The following SH3RF3 variants were observed in gnomAD, a reference collection of about 807,000 sequenced individuals.
SH3RF3 encodes E3 ubiquitin-protein ligase SH3RF3.
A neutral mutation model predicts 66.3 loss-of-function variants in SH3RF3; 29 were observed. The ratio of observed to expected loss-of-function variants is 0.44; its 90% confidence interval spans 0.33 to 0.60. SH3RF3 has a LOEUF of 0.60. Among genes scored for constraint, SH3RF3 ranks in the 20% least tolerant of loss-of-function variants. SH3RF3 has a pLI of 0.04. For missense variants in SH3RF3, 1,194 were observed against 1,190.9 expected, an observed-to-expected ratio of 1.00 and a Z score of -0.04; for synonymous variants, 583 against 532.0, an observed-to-expected ratio of 1.10 and a Z score of -1.32.
chr2:109,251,683 C>G (rs1033917722), intron 1 of SH3RF3: 2 of 1,162,684 alleles, frequency 1.7e-6, no homozygotes, highest in East Asian at 2.4e-5. Context: ...CCCATGTCCT[C>G]TCTTCATAGG....
chr2:109,260,567 A>G (rs1209353163), intron 1 of SH3RF3, among the ~76,000 whole-genome samples: 1 of 152,194 alleles, frequency 6.6e-6, no homozygotes, highest in Admixed American at 6.5e-5. Flanking sequence ...GTCATAGGCA[A>G]GAGGGCTCCC....
At chr2:109,420,003 G>A (rs928772975) in intron 5 of SH3RF3, among the ~76,000 whole-genome samples, 6 of 152,192 alleles carry the variant, frequency 3.9e-5, no homozygotes, top group African/African-American at 9.7e-5. Context: ...GCAGAGCAGC[G>A]GGTAGTCTAG....
At chr2:109,327,685 TG>T (rs981387962) in intron 1 of SH3RF3, among the ~76,000 whole-genome samples, 6 of 152,248 alleles carry the variant, frequency 3.9e-5, no homozygotes, top group Non-Finnish European at 5.9e-5. Flanking sequence ...ATAAAGGAAA[TG>T]TACATGTTTG....
rs918693493 is a variant in SH3RF3 at position 109,502,395 on chromosome 2, A to G, written c.*724A>G. On this transcript the variant is annotated 3_prime_UTR_variant, in exon 10 of 10. Coordinates refer to ENST00000309415, the MANE Select transcript of SH3RF3 (RefSeq NM_001099289.3). ...ATAGGTCAGACATTGCCTATTTTTC[A>G]TACATCTGGTGCTGCCTTTTTGTAA... The G allele has an allele frequency of 1.3e-5, 2 of 152,200 alleles. No homozygotes were observed. Among genetic ancestry groups the G allele is most frequent in the East Asian group, 3.9e-4 (2 of 5,190 alleles). The allele number at this position is 152,200 out of a possible 1,614,324, so 9.4% of individuals were successfully genotyped here.
At chr2:109,299,213 C>T (rs963951457) in intron 1 of SH3RF3, among the ~76,000 whole-genome samples, 1 of 152,242 alleles carries the variant, frequency 6.6e-6, no homozygotes, top group African/African-American at 2.4e-5. Flanking sequence ...GACCCTGCCT[C>T]CCCAAGGACT....
intron 1 of SH3RF3, among the ~76,000 whole-genome samples, chr2:109,302,257 T>C (rs866426185): frequency 3.1e-4 from 45 of 143,730 alleles, no homozygotes; most frequent in African/African-American, 1.0e-3. Flanking sequence ...CAGTTTGACA[T>C]ACCTGAATCC....
chr2:109,427,923 A>G (rs1442524884), intron 5 of SH3RF3, among the ~76,000 whole-genome samples: 2 of 152,216 alleles, frequency 1.3e-5, no homozygotes, highest in Admixed American at 6.5e-5. Context: ...GTGCTCGCGC[A>G]CGCTCCTCTG....
chr2:109,320,418 G>T lies in SH3RF3; in HGVS notation c.574-27256G>T, dbSNP rs140174461. ...CAGTGAGTGCAAAACCATCCTTCCT[G>T]CTGGAACCACCGCAGGCGCCCATCC... On this transcript the variant is annotated intron_variant, in intron 1 of 9. Coordinates refer to ENST00000309415, the MANE Select transcript of SH3RF3 (RefSeq NM_001099289.3). Among the ~76,000 whole-genome samples the T allele has an allele frequency of 8.3e-3, 1,270 of 152,224 alleles. 15 individuals are homozygous for T. Among genetic ancestry groups the T allele is most frequent in the East Asian group, 0.044 (227 of 5,172 alleles).
intron 6 of SH3RF3, among the ~76,000 whole-genome samples, chr2:109,433,882 G>T (rs1369409477): frequency 6.6e-6 from 1 of 152,228 alleles, no homozygotes; most frequent in East Asian, 1.9e-4. Context: ...TTCAGGAAAT[G>T]CACCCCCTCA....
intron 3 of SH3RF3, among the ~76,000 whole-genome samples, chr2:109,384,320 A>C (rs560658261): frequency 5.3e-5 from 8 of 152,214 alleles, no homozygotes; most frequent in African/African-American, 1.9e-4. Flanking sequence ...CCGTGGAGAA[A>C]GTAACACCAG....
intron 1 of SH3RF3, among the ~76,000 whole-genome samples, chr2:109,292,650 C>G (rs1681214995): frequency 6.6e-6 from 1 of 152,190 alleles, no homozygotes; most frequent in Non-Finnish European, 1.5e-5. Flanking sequence ...TAGACTCTGC[C>G]TAGAAAAGCG....
At chr2:109,261,415 T>C (rs1680351532) in intron 1 of SH3RF3, among the ~76,000 whole-genome samples, 1 of 152,226 alleles carries the variant, frequency 6.6e-6, no homozygotes, top group Non-Finnish European at 1.5e-5. Context: ...CAGTAAAATG[T>C]GCAGTCTGTG....
chr2:109,490,739 C>T lies in SH3RF3; in HGVS notation c.2283C>T (p.Gly761=). Residue 761 remains glycine (G), a synonymous_variant, in exon 9 of 10, where the codon GGC becomes GGT. Coordinates refer to ENST00000309415, the MANE Select transcript of SH3RF3 (RefSeq NM_001099289.3). ...AVDALLQGAV[G]PEVSSLSIHG... is the part of the protein sequence containing the mutation. ...ACGCCCTGCTCCAAGGTGCAGTGGG[C>T]CCCGAAGTGTCCTCACTGTCCATCC... 6.5e-7 allele frequency: 1 copy of T among 1,536,376 alleles called. No homozygotes were observed. The highest frequency in any genetic ancestry group is 8.7e-7 in the Non-Finnish European group (1 of 1,146,308).
chr2:109,267,775 C>G (rs914344437), intron 1 of SH3RF3, among the ~76,000 whole-genome samples: 2 of 152,240 alleles, frequency 1.3e-5, no homozygotes, highest in African/African-American at 2.4e-5. Flanking sequence ...CTGCGTCTGT[C>G]CCTGGAGCGA....
At chr2:109,206,784 C>G (rs1340145445) in intron 1 of SH3RF3, among the ~76,000 whole-genome samples, 1 of 152,202 alleles carries the variant, frequency 6.6e-6, no homozygotes, top group Non-Finnish European at 1.5e-5. Context: ...CCACTGCACT[C>G]CAGCCTGGGT....
intron 1 of SH3RF3, among the ~76,000 whole-genome samples, chr2:109,248,277 T>C (rs1181173016): frequency 6.6e-6 from 1 of 152,248 alleles, no homozygotes; most frequent in East Asian, 1.9e-4. Context: ...TTTTCTTTTC[T>C]GATGTGCTCA....
At chr2:109,489,847 C>T (rs1679084230) in intron 8 of SH3RF3, among the ~76,000 whole-genome samples, 1 of 152,192 alleles carries the variant, frequency 6.6e-6, no homozygotes, top group Non-Finnish European at 1.5e-5. Flanking sequence ...AAGCTATTCT[C>T]CCACCTCAGG....
At chr2:109,328,747 C>T (rs1335193317) in intron 1 of SH3RF3, among the ~76,000 whole-genome samples, 1 of 152,164 alleles carries the variant, frequency 6.6e-6, no homozygotes, top group African/African-American at 2.4e-5. Flanking sequence ...TCTTCCTCTC[C>T]CCCACATTTG....
chr2:109,192,161 C>T (rs1000759154), intron 1 of SH3RF3, among the ~76,000 whole-genome samples: 1 of 152,116 alleles, frequency 6.6e-6, no homozygotes, highest in Non-Finnish European at 1.5e-5. Context: ...GAGAGCGGTT[C>T]GGTTCTACAT....
Sources: gnomAD v4.1 joint callset for allele counts (sites outside exome capture counted in the v4.1 genomes callset) on GRCh38, gnomAD v4.1.1 for gene constraint, MANE v1.5 for transcripts, NCBI Gene and HGNC (gene_info 2026-07-23, HGNC 2026-07-21) for gene names.